Variants in FCGR1A observed in about 807,000 individuals in gnomAD.
FCGR1A encodes the protein Fc gamma receptor Ia.
A neutral mutation model predicts 35.0 loss-of-function variants in FCGR1A; 13 were observed. That is an observed-to-expected ratio of 0.37 (90% confidence interval 0.24 to 0.59). The LOEUF (loss-of-function observed/expected upper bound fraction) is 0.59. FCGR1A is among the 20% of genes least tolerant of loss of function. The pLI is 0.71. For missense variants in FCGR1A, 227 were observed against 430.0 expected (o/e 0.53, Z 4.17); for synonymous variants, 91 against 164.7 (o/e 0.55, Z 3.43).
downstream of FCGR1A, chr1:149,793,864 G>A (rs1260736255): frequency 1.5e-5 from 19 of 1,279,836 alleles, no homozygotes; most frequent in Non-Finnish European, 1.9e-5. Context: ...CAGACCAACC[G>A]GTTTGGGGTA....
chr1:149,791,816 TA>T, downstream of FCGR1A: 1 of 381,224 alleles, frequency 2.6e-6, no homozygotes, highest in Non-Finnish European at 4.6e-6. Flanking sequence ...CAGAACAAGG[TA>T]AAAAGGTGAG....
At chr1:149,796,942 T>C in the FCGR1A span, among the ~76,000 whole-genome samples, 4 of 152,352 alleles carry the variant, frequency 2.6e-5, no homozygotes, top group South Asian at 8.3e-4. Context: ...AGACAGAGTT[T>C]CGTTGTGTCA....
At chr1:149,800,313 G>A in the FCGR1A span, among the ~76,000 whole-genome samples, 23,141 of 152,194 alleles carry the variant, frequency 0.15, 1,848 homozygotes, top group African/African-American at 0.22. Context: ...TTGGGTCTTT[G>A]TATGGAGGCT....
At chr1:149,784,613 G>GC (rs1284089365) in intron 3 of FCGR1A, among the ~76,000 whole-genome samples, 2 of 150,852 alleles carry the variant, frequency 1.3e-5, no homozygotes, top group African/African-American at 4.9e-5. Flanking sequence ...ACCTAGATCT[G>GC]CAGTCACCTT....
At chr1:149,792,561 GA>G (rs2091735365), downstream of FCGR1A, 6 of 1,183,692 alleles carry the variant, frequency 5.1e-6, no homozygotes, top group South Asian at 9.2e-5. Context: ...ATCCGTAAAT[GA>G]TGGGATGGGG....
At chr1:149,794,160 A>G (rs1236536109), downstream of FCGR1A, 1 of 362,358 alleles carries the variant, frequency 2.8e-6, no homozygotes, top group African/African-American at 2.2e-5. Context: ...AGCCTGGACT[A>G]ACATGGTAAC....
Position 149,791,607 on chromosome 1 carries a change from A to C in FCGR1A, c.*90A>C. On this transcript the variant is annotated 3_prime_UTR_variant, in exon 6 of 6. Transcript: ENST00000369168. ...GCGTACAAACATCCAAAAGTTCAACAACACCAGAACTGTGTGTCTCATGGT... is the reference window on the plus strand; with the variant it reads ...GCGTACAAACATCCAAAAGTTCAACCACACCAGAACTGTGTGTCTCATGGT... The C allele has an allele frequency of 6.5e-7, 1 of 1,539,902 alleles. No homozygotes were observed.
At position 149,791,191 on chromosome 1, in the gene FCGR1A, C is replaced by G. The variant is rs782172512; in HGVS notation, c.845-46C>G. The stretch of plus-strand genomic sequence containing the variant: ...CCAAACATAACTCAGCTAGACCCCT[C>G]TGGTCTCTAAATAGTATCTCTTCTC... On this transcript the variant is annotated intron_variant, in intron 5 of 5. Coordinates refer to ENST00000369168, the MANE Select transcript of FCGR1A (RefSeq NM_000566.4). 6.9e-6 allele frequency: 11 copies of G among 1,605,768 alleles called. 1 individual carries two copies. In the Admixed American group the frequency reaches 1.8e-4, roughly 27 times the overall value.
downstream of FCGR1A, among the ~76,000 whole-genome samples, chr1:149,794,262 AAG>A (rs1158002837): frequency 6.6e-6 from 1 of 151,426 alleles, no homozygotes; most frequent in South Asian, 2.1e-4. Context: ...GAATGTGAGA[AAG>A]AGAAGGGGGG....
At chr1:149,785,214 TA>T (rs1303853835) in intron 3 of FCGR1A, among the ~76,000 whole-genome samples, 2 of 152,158 alleles carry the variant, frequency 1.3e-5, no homozygotes, top group African/African-American at 4.8e-5. Flanking sequence ...TTAAAAATGA[TA>T]ATGCAAAAGT....
At chr1:149,786,417 A>G (rs587594027) in intron 3 of FCGR1A, 7 of 152,282 alleles carry the variant, frequency 4.6e-5, no homozygotes, top group African/African-American at 1.7e-4. Context: ...TTTGTTTTCA[A>G]TGAACAAGAC....
downstream of FCGR1A, chr1:149,792,757 A>G: frequency 2.7e-5 from 34 of 1,282,890 alleles, 2 homozygotes; most frequent in Non-Finnish European, 3.4e-5. Context: ...CCAGTGAGAA[A>G]TTATTTGCAT....
At position 149,784,008 on chromosome 1, in the gene FCGR1A, A is replaced by G; in HGVS notation, c.58A>G (p.Thr20Ala). ...WVPVDGQVDT[T>A]KAVITLQPPW... ...TTCTTGTAATCTCCAAGTAGACACC[A>G]CAAAGGCAGTGATCACTTTGCAGCC... The change falls in exon 3 of 6, where the codon ACA (threonine) becomes GCA (alanine). Residue 20 changes from threonine to alanine, a missense_variant. Around this residue, in one of 3 missense-constraint regions of FCGR1A, gnomAD observed 3 missense variants for 22.1 expected, o/e 0.14. Transcript: ENST00000369168. 1 of 1,605,646 alleles carries G rather than the reference A, an allele frequency of 6.2e-7. No individual in the cohort carries two copies. The highest frequency in any genetic ancestry group is 8.5e-7 in the Non-Finnish European group (1 of 1,178,190).
chr1:149,791,207 A>G, intron 5 of FCGR1A, 30 bp from the exon 6 acceptor site: 1 of 1,606,086 alleles, frequency 6.2e-7, no homozygotes, highest in South Asian at 1.1e-5. Flanking sequence ...TCTAAATAGT[A>G]TCTCTTCTCT....
downstream of FCGR1A, chr1:149,793,915 A>G (rs1292248428): frequency 1.3e-5 from 17 of 1,286,508 alleles, 2 homozygotes; most frequent in African/African-American, 2.1e-4. Context: ...TTTCCTAGCT[A>G]AATGCCTTCA....
chr1:149,793,135 G>A (rs1553752372), downstream of FCGR1A: 1 of 1,274,996 alleles, frequency 7.8e-7, no homozygotes, highest in South Asian at 1.2e-5. Context: ...GCCCGGCCGA[G>A]CCTCCGCGGA....
chr1:149,797,525 G>A, the FCGR1A span, among the ~76,000 whole-genome samples: 1 of 152,134 alleles, frequency 6.6e-6, no homozygotes, highest in Non-Finnish European at 1.5e-5. Context: ...AGGAAGGTAT[G>A]ATCTGTTTCA....
chr1:149,792,310 G>A, downstream of FCGR1A: 1 of 270,536 alleles, frequency 3.7e-6, no homozygotes, highest in Non-Finnish European at 6.3e-6. Flanking sequence ...CGATACCATA[G>A]AGTCCAGATC....
At chr1:149,798,551 A>T in the FCGR1A span, among the ~76,000 whole-genome samples, 1 of 151,524 alleles carries the variant, frequency 6.6e-6, no homozygotes, top group East Asian at 1.9e-4. Flanking sequence ...TCCTTAATGG[A>T]GCACTACCTT....
Sources: allele counts gnomAD v4.1 joint callset (sites outside exome capture counted in the v4.1 genomes callset), GRCh38; gene constraint gnomAD v4.1.1; regional missense constraint gnomAD v4.1.1; transcripts MANE v1.5; gene names NCBI Gene and HGNC (gene_info 2026-07-23, HGNC 2026-07-21).